Variants in UBE2A observed in about 807,000 individuals in gnomAD.
UBE2A encodes ubiquitin conjugating enzyme E2 A.
For missense variants in UBE2A, 27 were observed against 125.8 expected (o/e 0.21, Z 3.76); for synonymous variants, 39 against 41.1 (o/e 0.95, Z 0.20).
chrX:119,576,435 T>C (rs1052606185), intron 3 of UBE2A, among the ~76,000 whole-genome samples: 1 of 110,838 alleles, frequency 9.0e-6, no homozygotes, highest in Non-Finnish European at 1.9e-5. Context: ...TTTGAGGTTT[T>C]AAAAAAAAGG....
At chrX:119,575,575 C>G in intron 3 of UBE2A, 175 bp downstream of exon 3, 1 of 545,595 alleles carries the variant, frequency 1.8e-6, no homozygotes, top group Non-Finnish European at 3.0e-6. Context: ...GTATGCTTGA[C>G]TAGAACTGCA....
intron 1 of UBE2A, 30 bp from the exon 2 acceptor site, chrX:119,574,871 C>G (rs2053403775): frequency 1.7e-6 from 2 of 1,209,156 alleles, no homozygotes; most frequent in African/African-American, 1.7e-5. Context: ...CAGTGCCGGC[C>G]TAGGGGGACC....
intron 3 of UBE2A, 77 bp downstream of exon 3, chrX:119,575,477 T>G: frequency 8.5e-7 from 1 of 1,173,098 alleles, no homozygotes; most frequent in Admixed American, 2.2e-5. Context: ...CCTGGAAGTG[T>G]CTCCTGCTTA....
At position 119,581,613 on chromosome X, in the gene UBE2A, G is replaced by T. The variant is rs1367937585; in HGVS notation, c.241+17G>T. ...ATCCAAATGGCAAGTATCACTTTTA[G>T]TACAGTGTTTTAAACTACTATAGTG... On this transcript the variant is annotated intron_variant, in intron 4 of 5. Coordinates refer to ENST00000371558, the MANE Select transcript of UBE2A (RefSeq NM_003336.4). The T allele has an allele frequency of 8.9e-7, 1 of 1,117,982 alleles. No homozygotes were observed. Among genetic ancestry groups the T allele is most frequent in the Non-Finnish European group, 1.2e-6 (1 of 810,940 alleles). 92.1% of individuals were successfully genotyped at this position (1,117,982 alleles called of 1,213,427 possible).
intron 3 of UBE2A, among the ~76,000 whole-genome samples, chrX:119,577,962 CT>C (rs1413575005): frequency 3.6e-5 from 4 of 111,117 alleles, no homozygotes; most frequent in African/African-American, 9.8e-5. Flanking sequence ...TTTGAATACC[CT>C]TTATTTATAG....
chrX:119,580,018 G>C (rs1458198947), intron 3 of UBE2A, among the ~76,000 whole-genome samples: 2 of 111,731 alleles, frequency 1.8e-5, no homozygotes. Flanking sequence ...TTTATGACCA[G>C]GTGGTGATAA....
At chrX:119,581,199 G>T (rs551113121) in intron 3 of UBE2A, 5 of 176,635 alleles carry the variant, frequency 2.8e-5, no homozygotes, top group African/African-American at 1.5e-4. Context: ...AAGGAAGAAG[G>T]CCAAATTTTG....
Position 119,583,369 on chromosome X carries a change from C to G in UBE2A, c.*114C>G. 2 of 1,079,014 alleles carry G rather than the reference C, an allele frequency of 1.9e-6. No homozygotes were observed. Among genetic ancestry groups the G allele is most frequent in the Middle Eastern group, 3.2e-4 (1 of 3,105 alleles). 88.9% of individuals were successfully genotyped at this position (1,079,014 alleles called of 1,213,427 possible). ...TATTAAAAGCAAAATAACTGTTGTGCTGTTTCCATCTTCCTTGCCAAGTTT... is the reference window on the plus strand; with the variant it reads ...TATTAAAAGCAAAATAACTGTTGTGGTGTTTCCATCTTCCTTGCCAAGTTT... On this transcript the variant is annotated 3_prime_UTR_variant, in exon 6 of 6. Coordinates refer to ENST00000371558, the MANE Select transcript of UBE2A (RefSeq NM_003336.4).
At chrX:119,581,317 A>C (rs2053449000) in intron 3 of UBE2A, 190 bp from the exon 4 acceptor site, 2 of 329,059 alleles carry the variant, frequency 6.1e-6, no homozygotes, top group Non-Finnish European at 1.1e-5. Flanking sequence ...AAATAATGGC[A>C]AAACAAAAAA....
intron 5 of UBE2A, among the ~76,000 whole-genome samples, 200 bp downstream of exon 5, chrX:119,582,876 G>GA (rs769816001): frequency 1.4e-4 from 15 of 110,013 alleles, no homozygotes; most frequent in Admixed American, 1.9e-4. Context: ...ACTTTGGCAG[G>GA]CCAAGGTGGG....
intron 2 of UBE2A, 150 bp downstream of exon 2, chrX:119,575,131 T>G: frequency 2.5e-6 from 2 of 804,754 alleles, no homozygotes; most frequent in East Asian, 6.8e-5. Flanking sequence ...AGCCTGTGCC[T>G]CGATTAGCTC....
intron 3 of UBE2A, 78 bp downstream of exon 3, chrX:119,575,478 C>G: frequency 8.5e-7 from 1 of 1,171,251 alleles, no homozygotes; most frequent in Non-Finnish European, 1.2e-6. Flanking sequence ...CTGGAAGTGT[C>G]TCCTGCTTAG....
intron 2 of UBE2A, 168 bp downstream of exon 2, chrX:119,575,149 G>C: frequency 1.3e-6 from 1 of 766,989 alleles, no homozygotes; most frequent in South Asian, 2.3e-5. Flanking sequence ...CTCAGTTCCC[G>C]CTGCCAGGGG....
intron 2 of UBE2A, 145 bp from the exon 3 acceptor site, chrX:119,575,228 GTC>G: frequency 1.1e-6 from 1 of 905,903 alleles, no homozygotes; most frequent in Non-Finnish European, 1.6e-6. Flanking sequence ...CTTGCCCTGT[GTC>G]TCTGAGCCCG....
At chrX:119,574,805 G>A (rs777117230) in intron 1 of UBE2A, 50 bp downstream of exon 1, 1 of 1,188,341 alleles carries the variant, frequency 8.4e-7, no homozygotes, top group East Asian at 3.0e-5. Flanking sequence ...GGGGCACAGG[G>A]CGGGTCCCGA....
intron 3 of UBE2A, chrX:119,581,001 A>G (rs1181907800): frequency 8.9e-6 from 1 of 112,389 alleles, no homozygotes; most frequent in African/African-American, 3.2e-5. Flanking sequence ...ATGACATGAA[A>G]AGGAACCAGT....
intron 3 of UBE2A, chrX:119,577,103 T>G (rs1025775241): frequency 9.9e-5 from 11 of 111,109 alleles, no homozygotes; most frequent in African/African-American, 3.6e-4. Context: ...TTTTGTATCT[T>G]TAGTAGAGAC....
At position 119,582,576 on chromosome X, in the gene UBE2A, CTTTG is replaced by C. The variant is rs1193807205; in HGVS notation, c.242-9_242-6del. On this transcript the variant is annotated splice_region_variant and splice_polypyrimidine_tract_variant and intron_variant, in intron 4 of 5. Transcript: ENST00000371558. Reference sequence around the variant, plus strand: ...CTTGTTACGTTTAATGTACCTACTTCTTTGTTCTTAGTCTATGCAGATGGTAGTA... The same window carrying C: ...CTTGTTACGTTTAATGTACCTACTTCTTCTTAGTCTATGCAGATGGTAGTA... The C allele has an allele frequency of 1.7e-6, 2 of 1,186,509 alleles. No individual in the cohort carries two copies. The highest frequency in any genetic ancestry group is 3.5e-5 in the African/African-American group (2 of 56,715).
At chrX:119,575,075 G>T (rs1331276004) in intron 2 of UBE2A, 94 bp downstream of exon 2, 72 of 1,089,585 alleles carry the variant, frequency 6.6e-5, no homozygotes, top group South Asian at 1.3e-4. Context: ...GGCCGAGCGG[G>T]TAGGGGAAAA....
Sources: allele counts gnomAD v4.1 joint callset (sites outside exome capture counted in the v4.1 genomes callset), GRCh38; gene constraint gnomAD v4.1.1; transcripts MANE v1.5; gene names NCBI Gene and HGNC (gene_info 2026-07-23, HGNC 2026-07-21).